TBC1D22A: variants seen among roughly 807,000 people sequenced by gnomAD.
TBC1D22A encodes the protein TBC1 domain family member 22A.
TBC1D22A carries 38 observed loss-of-function variants against 60.2 expected under a neutral mutation model. The ratio of observed to expected loss-of-function variants is 0.63; its 90% CI spans 0.49 to 0.83. TBC1D22A has a LOEUF of 0.83. Among genes scored for constraint, TBC1D22A ranks in the 40% least tolerant of loss-of-function variants. The probability of loss-of-function intolerance (pLI) is 0.00; values close to 1 mark genes in which losing one functional copy is unlikely to be tolerated. For synonymous variants in TBC1D22A, 302 were observed against 281.7 expected, an observed-to-expected ratio of 1.07 and a Z score of -0.72; for missense variants, 628 against 701.0, an observed-to-expected ratio of 0.90 and a Z score of 1.18.
chr22:47,051,229 C>G (rs1354194563), intron 11 of TBC1D22A, among the ~76,000 whole-genome samples: 1 of 152,176 alleles, frequency 6.6e-6, no homozygotes, highest in Non-Finnish European at 1.5e-5. Flanking sequence ...ATGTTGTTGT[C>G]TCTAAATACG....
chr22:46,910,671 G>A (rs2069849689), intron 7 of TBC1D22A, among the ~76,000 whole-genome samples: 1 of 152,150 alleles, frequency 6.6e-6, no homozygotes, highest in Non-Finnish European at 1.5e-5. Flanking sequence ...ACAGTAGGGA[G>A]TGGTTGGCTC....
chr22:47,015,768 A>G (rs2061890229), intron 10 of TBC1D22A, among the ~76,000 whole-genome samples: 1 of 152,098 alleles, frequency 6.6e-6, no homozygotes, highest in African/African-American at 2.4e-5. Context: ...CCAGGAGGAG[A>G]AGGGAGCCTC....
intron 8 of TBC1D22A, among the ~76,000 whole-genome samples, chr22:46,932,586 C>A (rs938780778): frequency 6.6e-6 from 1 of 152,138 alleles, no homozygotes; most frequent in Non-Finnish European, 1.5e-5. Flanking sequence ...GTCTTCTCCT[C>A]CCCATGGTTT....
intron 8 of TBC1D22A, among the ~76,000 whole-genome samples, chr22:46,948,015 T>C (rs1248015035): frequency 6.6e-6 from 1 of 152,224 alleles, no homozygotes; most frequent in Non-Finnish European, 1.5e-5. Flanking sequence ...ACGCTCTTTG[T>C]ACACTTGCAT....
chr22:46,890,233 G>A (rs2068327719), intron 5 of TBC1D22A, among the ~76,000 whole-genome samples: 1 of 152,066 alleles, frequency 6.6e-6, no homozygotes, highest in Admixed American at 6.5e-5. Flanking sequence ...CAGCTACTCG[G>A]GAGGCTGAGG....
At chr22:47,124,446 G>T (rs758622856) in intron 12 of TBC1D22A, among the ~76,000 whole-genome samples, 2 of 152,234 alleles carry the variant, frequency 1.3e-5, no homozygotes, top group Non-Finnish European at 2.9e-5. Flanking sequence ...GCCTAGGGGC[G>T]CATGTCCTGG....
At chr22:47,142,078 G>T (rs143932175) in intron 12 of TBC1D22A, among the ~76,000 whole-genome samples, 124 of 152,222 alleles carry the variant, frequency 8.1e-4, no homozygotes, top group African/African-American at 2.6e-3. Flanking sequence ...GTGGCTCTTT[G>T]CCAAGGTCAG....
chr22:46,836,255 G>A (rs912958455), intron 4 of TBC1D22A, among the ~76,000 whole-genome samples: 16 of 152,156 alleles, frequency 1.1e-4, no homozygotes, highest in African/African-American at 3.6e-4. Flanking sequence ...TAAAATAACT[G>A]TAGCTACAAC....
intron 8 of TBC1D22A, among the ~76,000 whole-genome samples, chr22:46,919,511 G>A (rs1280964619): frequency 6.6e-6 from 1 of 152,166 alleles, no homozygotes; most frequent in Non-Finnish European, 1.5e-5. Context: ...TCATGTACAA[G>A]TCTTCGTGTA....
chr22:47,030,805 T>G (rs556065122), intron 10 of TBC1D22A, among the ~76,000 whole-genome samples: 17 of 152,372 alleles, frequency 1.1e-4, no homozygotes, highest in African/African-American at 3.1e-4. Context: ...CATGTACATT[T>G]GCAGCTTTGA....
rs750447453 is a variant in TBC1D22A at position 46,894,892 on chromosome 22, G to T, written c.900+46G>T. On this transcript the variant is annotated intron_variant, in intron 7 of 12. Coordinates refer to ENST00000337137, the MANE Select transcript of TBC1D22A (RefSeq NM_014346.5). Reference sequence around the variant, plus strand: ...GGAGTTCCCCTCGTTGGGAGTGGCTGATGCCCACTGTGCTAACCAGACAGT... The same window carrying T: ...GGAGTTCCCCTCGTTGGGAGTGGCTTATGCCCACTGTGCTAACCAGACAGT... The T allele has an allele frequency of 1.9e-6, 3 of 1,604,200 alleles. No individual in the cohort carries two copies. The African/African-American group carries it at 4.0e-5, about 21-fold the overall frequency.
chr22:46,765,969 G>GTA (rs1279060002), intron 1 of TBC1D22A, among the ~76,000 whole-genome samples: 2 of 123,908 alleles, frequency 1.6e-5, no homozygotes, highest in South Asian at 2.4e-4. Flanking sequence ...GTGTGTGTGT[G>GTA]TGTGTGTGTG....
At chr22:46,894,645 T>C (rs2068575260) in intron 6 of TBC1D22A, 139 bp from the exon 7 acceptor site, 3 of 992,996 alleles carry the variant, frequency 3.0e-6, no homozygotes, top group Admixed American at 3.9e-5. Flanking sequence ...GGTGGTAACA[T>C]GGAGAACGAG....
At chr22:46,864,689 C>A (rs532787276) in intron 4 of TBC1D22A, among the ~76,000 whole-genome samples, 3 of 152,176 alleles carry the variant, frequency 2.0e-5, no homozygotes, top group Non-Finnish European at 2.9e-5. Context: ...ATTTTGAAAG[C>A]CTGAGGGTGA....
intron 11 of TBC1D22A, among the ~76,000 whole-genome samples, chr22:47,042,159 G>C (rs902742952): frequency 2.3e-5 from 3 of 129,656 alleles, no homozygotes; most frequent in Admixed American, 8.2e-5. Flanking sequence ...CTGTGTCACA[G>C]TGGCTTCTAT....
chr22:46,903,710 G>C (rs564755399), intron 7 of TBC1D22A, among the ~76,000 whole-genome samples: 3 of 152,296 alleles, frequency 2.0e-5, no homozygotes, highest in South Asian at 4.2e-4. Flanking sequence ...ATTTCCTCTC[G>C]GCTGGGCCGC....
chr22:46,793,766 G>C lies in TBC1D22A; in HGVS notation c.385G>C (p.Glu129Gln). The stretch of plus-strand genomic sequence containing the variant: ...TCAGCAGAAGCCCAGGCCCGAGGCA[G>C]AGCCGCCCTCACCCCCCAGCGGCGA... ...GLQQKPRPEA[E>Q]PPSPPSGDLR... Residue 129 changes from glutamate to glutamine, a missense_variant, in exon 3 of 13, where the codon GAG (glutamate) becomes CAG (glutamine). Physicochemically the swap from Glu to Gln is conservative, Grantham distance 29. Coordinates refer to ENST00000337137, the MANE Select transcript of TBC1D22A (RefSeq NM_014346.5). The C allele has an allele frequency of 6.2e-7, 1 of 1,604,892 alleles. No homozygotes were observed.
At chr22:46,792,782 G>A in intron 2 of TBC1D22A, 2 of 1,460,556 alleles carry the variant, frequency 1.4e-6, no homozygotes. Flanking sequence ...GCGGATGTGG[G>A]AGCCACAGCC....
At chr22:47,145,532 T>C (rs73889421) in intron 12 of TBC1D22A, among the ~76,000 whole-genome samples, 7,938 of 152,216 alleles carry the variant, frequency 0.052, 706 homozygotes, top group African/African-American at 0.18. Context: ...AGACATGATA[T>C]TACAAAAGCA....
Sources: gnomAD v4.1 joint callset for allele counts (sites outside exome capture counted in the v4.1 genomes callset) on GRCh38, gnomAD v4.1.1 for gene constraint, MANE v1.5 for transcripts, NCBI Gene and HGNC (gene_info 2026-07-23, HGNC 2026-07-21) for gene names.